The following FGF7 variants were observed in gnomAD, a reference collection of about 807,000 sequenced individuals.
The protein encoded by FGF7 is FGF-7.
A neutral mutation model predicts 20.5 loss-of-function variants in FGF7; 6 were observed. The ratio of observed to expected loss-of-function variants is 0.29; its 90% CI spans 0.16 to 0.58. The LOEUF (loss-of-function observed/expected upper bound fraction) is 0.58, where lower values mean the gene tolerates loss of function less well. Ranked by LOEUF, FGF7 falls within the 20% of genes least tolerant of loss-of-function variation. The pLI is 0.90. For missense variants in FGF7, 144 were observed against 228.8 expected (o/e 0.63, Z 2.39); for synonymous variants, 64 against 74.7 (o/e 0.86, Z 0.74).
intron 2 of FGF7, among the ~76,000 whole-genome samples, chr15:49,445,254 T>C (rs2052080404): frequency 6.6e-6 from 1 of 151,656 alleles, no homozygotes; most frequent in African/African-American, 2.4e-5. Flanking sequence ...TAGTTAAGTT[T>C]TCAACCCTTG....
At chr15:49,471,473 ACT>A (rs1179282550) in intron 2 of FGF7, among the ~76,000 whole-genome samples, 1 of 141,760 alleles carries the variant, frequency 7.1e-6, no homozygotes, top group Non-Finnish European at 1.5e-5. Flanking sequence ...ACAGAGTGAG[ACT>A]CTATCTCAAA....
chr15:49,430,684 A>C (rs1390284061), intron 2 of FGF7, among the ~76,000 whole-genome samples: 1 of 151,834 alleles, frequency 6.6e-6, no homozygotes, highest in Non-Finnish European at 1.5e-5. Context: ...TATGAGAGTA[A>C]GAGAGTATGA....
At chr15:49,480,002 T>C (rs1214602356) in intron 2 of FGF7, among the ~76,000 whole-genome samples, 1 of 152,206 alleles carries the variant, frequency 6.6e-6, no homozygotes, top group East Asian at 1.9e-4. Context: ...ATAATGTTAA[T>C]TTCTTTATTC....
At chr15:49,424,872 T>A (rs1188019451) in intron 2 of FGF7, 1 of 204,564 alleles carries the variant, frequency 4.9e-6, no homozygotes, top group Non-Finnish European at 9.8e-6. Flanking sequence ...ATAATATTAT[T>A]CACACCAAAA....
rs1407783465 is a variant in FGF7, at chr15:49,486,657, C to T, written c.*2153C>T. The T allele has an allele frequency of 6.6e-6, 1 of 151,964 alleles. No homozygotes were observed. Among genetic ancestry groups the T allele is most frequent in the African/African-American group, 2.4e-5 (1 of 41,418 alleles). 9.4% of individuals were successfully genotyped at this position (151,964 alleles called of 1,614,324 possible). ...TATGTTAGGACCAAATGCTCTTTGT[C>T]TATGGAGTTATACTTCCATCAAATT... On this transcript the variant is annotated 3_prime_UTR_variant, in exon 4 of 4. Transcript: ENST00000267843.
intron 2 of FGF7, among the ~76,000 whole-genome samples, chr15:49,462,477 T>C (rs2053889851): frequency 6.6e-6 from 1 of 152,236 alleles, no homozygotes; most frequent in African/African-American, 2.4e-5. Flanking sequence ...TTTTCCAGCA[T>C]GGGCAAATAT....
rs2050360531 is a variant in FGF7 at position 49,428,968 on chromosome 15, C to T, written c.286+4385C>T. Among the ~76,000 whole-genome samples the T allele has an allele frequency of 3.9e-5, 6 of 151,966 alleles. 1 individual carries two copies. The South Asian group carries it at 1.2e-3, about 31-fold the overall frequency. ...TTGACTTTGGCTACAAAACCTTCAG[C>T]GACTCATTTGTCAACAATTCTTTGG... On this transcript the variant is annotated intron_variant, in intron 2 of 3. Transcript: ENST00000267843.
At chr15:49,442,427 A>C (rs1413302697) in intron 2 of FGF7, among the ~76,000 whole-genome samples, 1 of 151,724 alleles carries the variant, frequency 6.6e-6, no homozygotes, top group Non-Finnish European at 1.5e-5. Context: ...ACTGTAAAAC[A>C]GTATACAAAC....
chr15:49,482,300 G>A (rs994255102), intron 2 of FGF7, among the ~76,000 whole-genome samples: 2 of 151,930 alleles, frequency 1.3e-5, no homozygotes, highest in African/African-American at 4.8e-5. Flanking sequence ...TATAATAAAG[G>A]AAAATAGTAA....
At position 49,479,611 on chromosome 15, in the gene FGF7, T is replaced by TTTTTTG. The variant is rs1280318413; in HGVS notation, c.287-3535_287-3534insGTTTTT. On this transcript the variant is annotated intron_variant, in intron 2 of 3. Transcript: ENST00000267843. ...AGTTAATACCTCTGTTTTTTTTTTT[T>TTTTTTG]TTTTTTTTTTTTTTTTTGTGAAATG... 2.0e-3 allele frequency among the ~76,000 whole-genome samples: 264 copies of TTTTTTG among 134,334 alleles called. 2 individuals are homozygous for TTTTTTG. Among genetic ancestry groups the TTTTTTG allele is most frequent in the African/African-American group, 7.1e-3 (253 of 35,636 alleles). 88.1% of individuals were successfully genotyped at this position (134,334 alleles called of 152,430 possible). A position where few individuals can be genotyped will look rare whatever the true frequency, so the allele number is the denominator to read the frequency against.
chr15:49,443,183 G>C (rs1468498279), intron 2 of FGF7, among the ~76,000 whole-genome samples: 1 of 151,362 alleles, frequency 6.6e-6, no homozygotes, highest in Non-Finnish European at 1.5e-5. Context: ...ATTAAATACA[G>C]CCATTATTAA....
intron 2 of FGF7, among the ~76,000 whole-genome samples, chr15:49,470,921 G>C (rs1259343747): frequency 6.6e-6 from 1 of 152,172 alleles, no homozygotes; most frequent in Non-Finnish European, 1.5e-5. Context: ...AGGATGTAAG[G>C]ACACCAAGGG....
intron 2 of FGF7, among the ~76,000 whole-genome samples, chr15:49,451,227 C>G (rs866983667): frequency 1.3e-5 from 2 of 151,912 alleles, no homozygotes; most frequent in African/African-American, 4.8e-5. Context: ...CCAATTAGAG[C>G]TTGCCAATTT....
intron 2 of FGF7, among the ~76,000 whole-genome samples, chr15:49,467,674 T>C (rs1392749648): frequency 2.0e-4 from 30 of 152,260 alleles, no homozygotes. Flanking sequence ...AGTGTTGTAT[T>C]TAGCAGATGT....
intron 2 of FGF7, among the ~76,000 whole-genome samples, chr15:49,448,016 T>C (rs910148833): frequency 1.2e-4 from 18 of 151,652 alleles, no homozygotes; most frequent in African/African-American, 3.6e-4. Flanking sequence ...ATTTGAGAGT[T>C]TGAAATTATT....
chr15:49,477,733 A>G (rs2055483043), intron 2 of FGF7, among the ~76,000 whole-genome samples: 1 of 152,210 alleles, frequency 6.6e-6, no homozygotes, highest in African/African-American at 2.4e-5. Flanking sequence ...GAGTATGTTT[A>G]GTTTTTAAGA....
chr15:49,488,475 C>T lies in FGF7; in HGVS notation c.*3971C>T, dbSNP rs1055216914. On this transcript the variant is annotated 3_prime_UTR_variant, in exon 4 of 4. Transcript: ENST00000267843. Reference sequence around the variant, plus strand: ...AGTCCTAGCCTCTTTCCAATAACATCTGATTTCTCCATTCTCAAACTACAC... The same window carrying T: ...AGTCCTAGCCTCTTTCCAATAACATTTGATTTCTCCATTCTCAAACTACAC... The T allele has an allele frequency of 2.0e-5, 3 of 151,928 alleles. No homozygotes were observed. The highest frequency in any genetic ancestry group is 4.4e-5 in the Non-Finnish European group (3 of 67,926). 9.4% of individuals were successfully genotyped at this position (151,928 alleles called of 1,614,324 possible).
chr15:49,448,359 C>T (rs1253971529), intron 2 of FGF7, among the ~76,000 whole-genome samples: 1 of 151,044 alleles, frequency 6.6e-6, no homozygotes. Context: ...TTCCATTTAA[C>T]TCTTTTAATT....
chr15:49,461,705 T>G (rs570897897), intron 2 of FGF7, among the ~76,000 whole-genome samples: 1 of 152,336 alleles, frequency 6.6e-6, no homozygotes, highest in South Asian at 2.1e-4. Context: ...ATCCTTATTT[T>G]TTTGAGGAAA....
Sources: allele counts gnomAD v4.1 joint callset (sites outside exome capture counted in the v4.1 genomes callset), GRCh38; gene constraint gnomAD v4.1.1; transcripts MANE v1.5; gene names NCBI Gene and HGNC (gene_info 2026-07-23, HGNC 2026-07-21).